SH3D19: variants seen among roughly 807,000 people sequenced by gnomAD.
The protein encoded by SH3D19 is SH3 domain-containing protein 19.
Under a neutral mutation model 112.1 loss-of-function variants are expected in SH3D19, and 58 were observed. The observed-to-expected ratio is 0.52, with a 90% CI of 0.42 to 0.64. The LOEUF (loss-of-function observed/expected upper bound fraction) is 0.64. Among genes scored for constraint, SH3D19 ranks in the 30% least tolerant of loss-of-function variants. The probability of loss-of-function intolerance (pLI) is 0.00; values close to 1 mark genes in which losing one functional copy is unlikely to be tolerated. For synonymous variants in SH3D19, 391 were observed against 448.5 expected (o/e 0.87, Z 1.62); for missense variants, 1,090 against 1,263.4 (o/e 0.86, Z 2.08).
At chr4:151,149,712 A>G in intron 9 of SH3D19, 151 bp from the exon 10 acceptor site, 2 of 632,298 alleles carry the variant, frequency 3.2e-6, no homozygotes, top group South Asian at 2.0e-5. Flanking sequence ...GCCTTAAACA[A>G]TATTAACCTA....
chr4:151,251,198 C>CT (rs11368412), intron 1 of SH3D19, among the ~76,000 whole-genome samples: 3,749 of 142,510 alleles, frequency 0.026, 144 homozygotes, highest in African/African-American at 0.083. Context: ...TCTTTTTTTC[C>CT]TTTTTTTTTT....
intron 2 of SH3D19, among the ~76,000 whole-genome samples, chr4:151,220,743 C>G (rs558892280): frequency 3.3e-5 from 5 of 152,174 alleles, no homozygotes; most frequent in African/African-American, 9.7e-5. Context: ...ATAGCTCTCA[C>G]TTGGAGTTTT....
At chr4:151,224,916 A>G (rs1768741108) in intron 2 of SH3D19, among the ~76,000 whole-genome samples, 1 of 152,216 alleles carries the variant, frequency 6.6e-6, no homozygotes, top group South Asian at 2.1e-4. Flanking sequence ...TGGTAGATAC[A>G]TAATTGTACA....
At chr4:151,137,700 T>C (rs774968790) in intron 14 of SH3D19, 32 bp downstream of exon 14, 28 of 1,554,870 alleles carry the variant, frequency 1.8e-5, no homozygotes, top group Non-Finnish European at 2.4e-5. Context: ...ACTGAGTATA[T>C]GACCAAATTA....
chr4:151,151,294 G>A (rs775060012), intron 9 of SH3D19, among the ~76,000 whole-genome samples: 1 of 151,498 alleles, frequency 6.6e-6, no homozygotes. Context: ...GTGTTTTTTT[G>A]TTTTCCACTT....
At chr4:151,209,079 C>G (rs1373831818) in intron 2 of SH3D19, among the ~76,000 whole-genome samples, 2 of 152,010 alleles carry the variant, frequency 1.3e-5, no homozygotes, top group African/African-American at 2.4e-5. Context: ...GAGATAGGTA[C>G]TTTAATTAGC....
chr4:151,127,690 T>C lies in SH3D19; in HGVS notation c.2955A>G (p.Ile985Met). The C allele has an allele frequency of 6.2e-7, 1 of 1,601,654 alleles. No homozygotes were observed. The highest frequency in any genetic ancestry group is 1.8e-5 in the Admixed American group (1 of 56,528). The part of the protein sequence containing the change: ...CPAEAKSMLA[I>M]VPKGRKAKAL... ...CTTTGGCCTTCCTCCCCTTCGGTAC[T>C]ATGGCCAACATACTTTTTGCCTCAG... The change falls in exon 19 of 20, where the codon ATA becomes ATG. Residue 985 changes from isoleucine (I) to methionine (M), a missense_variant. Transcript: ENST00000604030.
At chr4:151,128,040 C>T (rs1186931379) in intron 18 of SH3D19, 130 bp downstream of exon 18, 3 of 672,832 alleles carry the variant, frequency 4.5e-6, no homozygotes, top group Admixed American at 3.9e-5. Context: ...GTTTGCATAA[C>T]TTCATGTATC....
At chr4:151,269,180 T>C (rs1289578076) in intron 1 of SH3D19, among the ~76,000 whole-genome samples, 5 of 152,264 alleles carry the variant, frequency 3.3e-5, no homozygotes, top group African/African-American at 1.2e-4. Context: ...TTTGCATTTC[T>C]CTGATGGCCA....
intron 1 of SH3D19, among the ~76,000 whole-genome samples, chr4:151,242,617 GT>G (rs1216887379): frequency 6.6e-6 from 1 of 152,166 alleles, no homozygotes; most frequent in East Asian, 1.9e-4. Context: ...ATAAGTAGGA[GT>G]TTTGCTTGTA....
chr4:151,202,705 CTTT>C (rs1764573568), intron 2 of SH3D19, among the ~76,000 whole-genome samples: 1 of 152,166 alleles, frequency 6.6e-6, no homozygotes, highest in Non-Finnish European at 1.5e-5. Flanking sequence ...AGACAGACTT[CTTT>C]TTAACAACCT....
chr4:151,298,939 A>G (rs1478862375), intron 1 of SH3D19, among the ~76,000 whole-genome samples: 1 of 152,162 alleles, frequency 6.6e-6, no homozygotes, highest in African/African-American at 2.4e-5. Flanking sequence ...TCACAGAAAT[A>G]CCTTACATAA....
At chr4:151,164,218 T>C (rs559373748) in intron 8 of SH3D19, among the ~76,000 whole-genome samples, 61 of 152,290 alleles carry the variant, frequency 4.0e-4, no homozygotes, top group Middle Eastern at 3.4e-3. Context: ...GTGGGCAGAA[T>C]CTCTTGTTAG....
chr4:151,298,318 C>T, intron 1 of SH3D19, among the ~76,000 whole-genome samples: 1 of 150,250 alleles, frequency 6.7e-6, no homozygotes, highest in Non-Finnish European at 1.5e-5. Context: ...GCTGGGACTA[C>T]AGGCACCCGC....
chr4:151,144,379 A>C (rs1363765777), intron 11 of SH3D19: 1 of 1,121,566 alleles, frequency 8.9e-7, no homozygotes, highest in Non-Finnish European at 1.4e-6. Flanking sequence ...GTGTGTGCCT[A>C]AAGTGCACCT....
At chr4:151,279,770 C>T (rs376017794) in intron 1 of SH3D19, 139 of 1,611,054 alleles carry the variant, frequency 8.6e-5, no homozygotes, top group Non-Finnish European at 1.1e-4. Context: ...TAGGTTTCCA[C>T]ATTTCCCTTT....
chr4:151,304,529 G>C (rs1728755567), intron 1 of SH3D19, among the ~76,000 whole-genome samples: 1 of 152,200 alleles, frequency 6.6e-6, no homozygotes, highest in African/African-American at 2.4e-5. Context: ...CCCTGGAGAA[G>C]ACTTTCTTTT....
In SH3D19 at chr4:151,175,280, G is replaced by C. The variant is rs775661789; in HGVS notation, c.924C>G (p.Thr308=). The C allele has an allele frequency of 9.3e-6, 15 of 1,614,036 alleles. No individual in the cohort carries two copies. The highest frequency in any genetic ancestry group is 1.2e-5 in the Non-Finnish European group (14 of 1,180,040). Residue 308 remains threonine (T), a synonymous_variant, in exon 7 of 20, where the codon ACC becomes ACG. Coordinates refer to ENST00000604030, the MANE Select transcript of SH3D19 (RefSeq NM_001378122.1). ...KVFEGQTNIE[T]SGLPKKPEIT... is the part of the protein sequence containing the mutation. ...TTTCTGGTTTCTTGGGCAGTCCTGAGGTTTCTATGTTTGTCTGACCCTCAA... is the reference window on the plus strand; with the variant it reads ...TTTCTGGTTTCTTGGGCAGTCCTGACGTTTCTATGTTTGTCTGACCCTCAA...
chr4:151,213,874 T>TA (rs1373269918), intron 2 of SH3D19, among the ~76,000 whole-genome samples: 52 of 149,836 alleles, frequency 3.5e-4, no homozygotes, highest in Admixed American at 7.3e-4. Flanking sequence ...TTTTTTTTTT[T>TA]AATTTTATTT....
Sources: allele counts gnomAD v4.1 joint callset (sites outside exome capture counted in the v4.1 genomes callset), GRCh38; gene constraint gnomAD v4.1.1; transcripts MANE v1.5; gene names NCBI Gene and HGNC (gene_info 2026-07-23, HGNC 2026-07-21).